Variants in ABCA13 observed in about 807,000 individuals in gnomAD.
ABCA13 encodes the protein ATP binding cassette subfamily A member 13.
Under a neutral mutation model 478.7 loss-of-function variants are expected in ABCA13, and 476 were observed. The ratio of observed to expected loss-of-function variants is 0.99; its 90% CI spans 0.92 to 1.07. The LOEUF (loss-of-function observed/expected upper bound fraction) is 1.07. ABCA13 is among the 50% of genes least tolerant of loss of function. ABCA13 has a pLI of 0.00. For missense variants in ABCA13, 6,060 were observed against 5,910.6 expected (o/e 1.03, Z -0.83); for synonymous variants, 2,252 against 2,158.9 (o/e 1.04, Z -1.20).
At chr7:48,532,300 T>C (rs1280300861) in intron 55 of ABCA13, among the ~76,000 whole-genome samples, 2 of 152,204 alleles carry the variant, frequency 1.3e-5, no homozygotes, top group Admixed American at 6.5e-5. Flanking sequence ...TGTATCACAT[T>C]AATTGGCTTG....
intron 55 of ABCA13, among the ~76,000 whole-genome samples, chr7:48,550,835 C>A (rs932352259): frequency 2.0e-5 from 3 of 151,452 alleles, no homozygotes; most frequent in African/African-American, 7.3e-5. Context: ...TATCAGTGTG[C>A]ACCAACTGTC....
chr7:48,621,586 G>T (rs1586012098), intron 59 of ABCA13, among the ~76,000 whole-genome samples: 1 of 152,172 alleles, frequency 6.6e-6, no homozygotes, highest in South Asian at 2.1e-4. Flanking sequence ...TATTTACTAA[G>T]TTGGTGTCCT....
intron 15 of ABCA13, among the ~76,000 whole-genome samples, chr7:48,266,265 A>G (rs1296489562): frequency 1.3e-5 from 2 of 151,726 alleles, no homozygotes; most frequent in African/African-American, 2.4e-5. Context: ...TTATATTTAT[A>G]GGTAATCATA....
At chr7:48,615,260 T>A (rs200465464) in intron 58 of ABCA13, 25 bp from the exon 59 acceptor site, 2 of 1,422,646 alleles carry the variant, frequency 1.4e-6, no homozygotes, top group African/African-American at 2.8e-5. Flanking sequence ...AATGGCTCAT[T>A]TTTGTCTCTT....
At chr7:48,420,989 A>G (rs1820665197) in intron 41 of ABCA13, among the ~76,000 whole-genome samples, 1 of 152,116 alleles carries the variant, frequency 6.6e-6, no homozygotes, top group African/African-American at 2.4e-5. Flanking sequence ...ATGAGCCTCA[A>G]TATGGGTTTG....
In ABCA13 at chr7:48,335,434, T is replaced by A; in HGVS notation, c.10012T>A (p.Phe3338Ile). 6.2e-7 allele frequency: 1 copy of A among 1,609,680 alleles called. No homozygotes were observed. Among genetic ancestry groups the A allele is most frequent in the Non-Finnish European group, 8.5e-7 (1 of 1,177,366 alleles). Residue 3338 changes from phenylalanine (F) to isoleucine (I), a missense_variant, in exon 28 of 62, where the codon TTT (phenylalanine) becomes ATT (isoleucine). Coordinates refer to ENST00000435803, the MANE Select transcript of ABCA13 (RefSeq NM_152701.5). ...NKVIQKANYT[F>I]YIVDKLKTLS... ...CTTCATTTTGCAGGCTAATTACACC[T>A]TTTATATTGTGGACAAACTAAAAAC...
At chr7:48,484,235 A>T (rs908441623) in intron 47 of ABCA13, among the ~76,000 whole-genome samples, 4 of 152,224 alleles carry the variant, frequency 2.6e-5, no homozygotes, top group African/African-American at 9.6e-5. Flanking sequence ...AAATTTTAAC[A>T]GTCATGTATT....
At chr7:48,505,199 C>G (rs531321821) in intron 48 of ABCA13, among the ~76,000 whole-genome samples, 1 of 151,966 alleles carries the variant, frequency 6.6e-6, no homozygotes, top group African/African-American at 2.4e-5. Flanking sequence ...TGCCTTAGTA[C>G]GTGGCTGAGT....
In ABCA13 at chr7:48,454,197, G is replaced by T. The variant is rs1825372138; in HGVS notation, c.12566-840G>T. ...ACTATCACCACAGCTGATTGATCCG[G>T]CTGAGTCCTGCTTTGGACGTCGTTT... On this transcript the variant is annotated intron_variant, in intron 42 of 61. Transcript: ENST00000435803. Among the ~76,000 whole-genome samples, 6 of 152,144 alleles carry T rather than the reference G, an allele frequency of 3.9e-5. No individual in the cohort carries two copies. In the South Asian group the frequency reaches 1.2e-3, roughly 32 times the overall value.
intron 27 of ABCA13, among the ~76,000 whole-genome samples, chr7:48,329,145 G>C (rs1164822529): frequency 6.6e-6 from 1 of 152,216 alleles, no homozygotes; most frequent in Admixed American, 6.5e-5. Context: ...AACGTGGATA[G>C]TATGAGTGAA....
At chr7:48,421,837 T>C (rs1305182368) in intron 41 of ABCA13, among the ~76,000 whole-genome samples, 1 of 151,936 alleles carries the variant, frequency 6.6e-6, no homozygotes, top group Non-Finnish European at 1.5e-5. Flanking sequence ...TCATTTAGTG[T>C]TTCCTCTTGC....
chr7:48,450,426 A>G (rs567121875), intron 42 of ABCA13, among the ~76,000 whole-genome samples: 13 of 152,258 alleles, frequency 8.5e-5, no homozygotes, highest in Non-Finnish European at 1.8e-4. Context: ...ACAAGAATAT[A>G]AATTTTTAAG....
chr7:48,545,992 C>G (rs1784780286), intron 55 of ABCA13, among the ~76,000 whole-genome samples: 1 of 151,706 alleles, frequency 6.6e-6, no homozygotes, highest in Non-Finnish European at 1.5e-5. Context: ...AAGACTGTTG[C>G]TTCCTTCAAT....
chr7:48,278,499 TA>T lies in ABCA13; in HGVS notation c.7307del (p.Lys2436ArgfsTer18). The T allele has an allele frequency of 2.5e-6, 4 of 1,613,958 alleles. No individual in the cohort carries two copies. In the South Asian group the frequency reaches 4.4e-5, roughly 18 times the overall value. On this transcript the variant is annotated frameshift_variant, in exon 18 of 62. Transcript: ENST00000435803. LOFTEE classifies it high-confidence loss of function. ...LLDTILHSPN[K>X]DFYALYPTLQ... ...TGGATACAATTTTACACTCTCCTAA[TA>T]AGGACTTCTATGCTTTGTATCCTAC...
intron 41 of ABCA13, among the ~76,000 whole-genome samples, chr7:48,421,021 C>T (rs1030951563): frequency 6.6e-6 from 1 of 152,064 alleles, no homozygotes; most frequent in Non-Finnish European, 1.5e-5. Context: ...TGTGATTGGT[C>T]AGGTTATGCA....
chr7:48,245,819 G>A (rs776653658), intron 12 of ABCA13, 44 bp from the exon 13 acceptor site: 32 of 1,562,150 alleles, frequency 2.0e-5, no homozygotes, highest in Non-Finnish European at 2.5e-5. Context: ...GGGTATCTAA[G>A]CCTCTTTAAA....
Position 48,288,782 on chromosome 7 carries a change from A to G in ABCA13, c.8955+704A>G, listed in dbSNP as rs535361118. 2.4e-4 allele frequency among the ~76,000 whole-genome samples: 37 copies of G among 152,306 alleles called. 1 individual carries two copies. In the South Asian group the frequency reaches 7.5e-3, roughly 31 times the overall value. On this transcript the variant is annotated intron_variant, in intron 20 of 61. Coordinates refer to ENST00000435803, the MANE Select transcript of ABCA13 (RefSeq NM_152701.5). ...ATTTCCTTTTTATTAAATTGGACAC[A>G]TGCCCAATAGGCTCCCATGCAGGGT...
At chr7:48,297,937 G>C (rs546872149) in intron 22 of ABCA13, among the ~76,000 whole-genome samples, 168 of 136,726 alleles carry the variant, frequency 1.2e-3, no homozygotes, top group African/African-American at 4.5e-3. Flanking sequence ...ACCATGCCCG[G>C]CTATTTTTTT....
chr7:48,429,322 G>A (rs1184848987), intron 42 of ABCA13, among the ~76,000 whole-genome samples: 1 of 152,172 alleles, frequency 6.6e-6, no homozygotes, highest in African/African-American at 2.4e-5. Context: ...TGAATCATAT[G>A]TTTCAATCAT....
Sources: gnomAD v4.1 joint callset for allele counts (sites outside exome capture counted in the v4.1 genomes callset) on GRCh38, gnomAD v4.1.1 for gene constraint, MANE v1.5 for transcripts, NCBI Gene and HGNC (gene_info 2026-07-23, HGNC 2026-07-21) for gene names.